PTPRB: variants seen among roughly 807,000 people sequenced by gnomAD.
PTPRB encodes the protein receptor-type tyrosine-protein phosphatase beta.
Under a neutral mutation model 238.1 loss-of-function variants are expected in PTPRB, and 97 were observed. That is an observed-to-expected ratio of 0.41 (90% CI 0.35 to 0.48). PTPRB has a LOEUF of 0.48. PTPRB is among the 20% of genes least tolerant of loss of function. PTPRB has a pLI of 0.30. For synonymous variants in PTPRB, 970 were observed against 995.4 expected (o/e 0.97, Z 0.48); for missense variants, 2,292 against 2,681.9 (o/e 0.85, Z 3.21).
In PTPRB at chr12:70,517,134, A is replaced by G. The variant is rs1229550211; in HGVS notation, c.*4355T>C. 6.6e-6 allele frequency: 1 copy of G among 152,244 alleles called. No homozygotes were observed. Among genetic ancestry groups the G allele is most frequent in the Non-Finnish European group, 1.5e-5 (1 of 68,040 alleles). The allele number at this position is 152,244 out of a possible 1,614,324, so 9.4% of individuals were successfully genotyped here. A position where few individuals can be genotyped will look rare whatever the true frequency, so the allele number is the denominator to read the frequency against. ...ATCATGCACTACAAGAATCTAAGGC[A>G]GTGTGTCTAAAATGCCAAACCCAGT... On this transcript the variant is annotated 3_prime_UTR_variant, in exon 34 of 34. Coordinates refer to ENST00000334414, the MANE Select transcript of PTPRB (RefSeq NM_001109754.4).
chr12:70,570,272 C>A (rs935314858), intron 13 of PTPRB, among the ~76,000 whole-genome samples: 1 of 152,114 alleles, frequency 6.6e-6, no homozygotes, highest in Non-Finnish European at 1.5e-5. Flanking sequence ...GTTTTAGTTT[C>A]TTCATTAGGA....
rs1200049819 is a variant in PTPRB, at chr12:70,552,857, C to G, written c.5307G>C (p.Glu1769Asp). The G allele has an allele frequency of 6.8e-6, 11 of 1,613,870 alleles. No individual in the cohort carries two copies. In the Admixed American group the frequency reaches 1.0e-4, roughly 15 times the overall value. ...SKSFNIKLGA[E>D]MESLGGKCDP... is the part of the protein sequence containing the mutation. Reference sequence around the variant, plus strand: ...CGCATTTTCCACCTAGGCTCTCCATCTCTGCTCCAAGCTTAATGTTAAAAC... The same window carrying G: ...CGCATTTTCCACCTAGGCTCTCCATGTCTGCTCCAAGCTTAATGTTAAAAC... Residue 1769 changes from glutamate to aspartate, a missense_variant, in exon 21 of 34, where the codon GAG (glutamate) becomes GAC (aspartate). Transcript: ENST00000334414.
rs777399445 is a variant in PTPRB at position 70,539,662 on chromosome 12, T to C, written c.5741A>G (p.Gln1914Arg). The change falls in exon 26 of 34, where the codon CAG becomes CGG. Residue 1914 changes from glutamine (Q) to arginine (R), a missense_variant. Around this residue, in one of 4 missense-constraint regions of PTPRB, gnomAD observed 397 missense variants for 502.0 expected, o/e 0.79. Coordinates refer to ENST00000334414, the MANE Select transcript of PTPRB (RefSeq NM_001109754.4). ...GGATAGAAGGTAGTTGGAGTCAGCC[T>C]GTAGCTTCATGAAATGCCCTTCAAA... is the stretch of plus-strand genomic sequence containing the variant. ...NQFEGHFMKL[Q>R]ADSNYLLSKE... is the part of the protein sequence containing the mutation. The C allele has an allele frequency of 6.3e-7, 1 of 1,586,328 alleles. No homozygotes were observed. Among genetic ancestry groups the C allele is most frequent in the African/African-American group, 1.3e-5 (1 of 74,632 alleles).
At chr12:70,599,885 G>A (rs1883330162) in intron 4 of PTPRB, among the ~76,000 whole-genome samples, 1 of 151,924 alleles carries the variant, frequency 6.6e-6, no homozygotes, top group South Asian at 2.1e-4. Context: ...CAGGAGGGTT[G>A]CTTGGGTCCA....
chr12:70,519,993 C>T lies in PTPRB; in HGVS notation c.*1496G>A, dbSNP rs74101660. The T allele has an allele frequency of 8.3e-3, 1,924 of 232,902 alleles. 43 individuals are homozygous for T. The highest frequency in any genetic ancestry group is 0.041 in the African/African-American group (1,770 of 43,106). 14.4% of individuals were successfully genotyped at this position (232,902 alleles called of 1,614,324 possible). The stretch of plus-strand genomic sequence containing the variant: ...CAATTACATTCGTTGTATTCACTTA[C>T]GGACTTTATGGTAGGTTACAAAAAT... On this transcript the variant is annotated 3_prime_UTR_variant, in exon 34 of 34. Coordinates refer to ENST00000334414, the MANE Select transcript of PTPRB (RefSeq NM_001109754.4).
At chr12:70,625,566 T>A (rs1885136228) in intron 2 of PTPRB, among the ~76,000 whole-genome samples, 1 of 151,498 alleles carries the variant, frequency 6.6e-6, no homozygotes, top group East Asian at 1.9e-4. Context: ...TTTTTTTTTA[T>A]CTCCTGAACT....
chr12:70,565,322 T>C (rs1184797650), intron 15 of PTPRB, among the ~76,000 whole-genome samples: 1 of 152,244 alleles, frequency 6.6e-6, no homozygotes, highest in Non-Finnish European at 1.5e-5. Context: ...AATCTGGCTT[T>C]CAGTCTCACC....
intron 21 of PTPRB, among the ~76,000 whole-genome samples, chr12:70,547,886 C>T (rs1193772313): frequency 6.6e-6 from 1 of 152,164 alleles, no homozygotes; most frequent in Non-Finnish European, 1.5e-5. Flanking sequence ...TATATTACTT[C>T]AGAGGTTTGG....
In PTPRB at chr12:70,560,749, G is replaced by A. The variant is rs749105216; in HGVS notation, c.4354C>T (p.Pro1452Ser). 5.0e-6 allele frequency: 8 copies of A among 1,613,886 alleles called. No homozygotes were observed. The highest frequency in any genetic ancestry group is 6.8e-6 in the Non-Finnish European group (8 of 1,179,872). ...LTEWRFQGLV[P>S]GRKYVLWVVT... is the part of the protein sequence containing the mutation. ...ACCCACAGCACGTACTTCCTTCCAGGAACAAGGCCTTGAAACCGCCACTCC... is the reference window on the plus strand; with the variant it reads ...ACCCACAGCACGTACTTCCTTCCAGAAACAAGGCCTTGAAACCGCCACTCC... The change falls in exon 17 of 34, where the codon CCT (proline) becomes TCT (serine). Residue 1452 changes from proline (P) to serine (S), a missense_variant. By Grantham distance (74) the Pro-to-Ser change is moderately conservative. Around this residue, in one of 4 missense-constraint regions of PTPRB, gnomAD observed 683 missense variants for 862.0 expected, o/e 0.79. Coordinates refer to ENST00000334414, the MANE Select transcript of PTPRB (RefSeq NM_001109754.4). The surrounding 1 kb of genome is among the most constrained non-coding windows in gnomAD (Gnocchi z 4.2).
chr12:70,575,651 C>A (rs1159405335), intron 11 of PTPRB, among the ~76,000 whole-genome samples: 1 of 152,198 alleles, frequency 6.6e-6, no homozygotes, highest in Non-Finnish European at 1.5e-5. Flanking sequence ...ATACAGAAAT[C>A]AACCCATAGC....
At chr12:70,564,519 A>T (rs1229606544) in intron 15 of PTPRB, among the ~76,000 whole-genome samples, 8 of 73,022 alleles carry the variant, frequency 1.1e-4, no homozygotes, top group African/African-American at 5.3e-4. Context: ...ACTCCATCTC[A>T]AAAAAAAAAA....
intron 8 of PTPRB, among the ~76,000 whole-genome samples, chr12:70,589,330 A>T (rs1882250386): frequency 6.6e-6 from 1 of 152,204 alleles, no homozygotes; most frequent in Non-Finnish European, 1.5e-5. Context: ...ATTTCACTCT[A>T]AATATGGAGT....
chr12:70,589,829 G>T, intron 8 of PTPRB, 135 bp downstream of exon 8: 1 of 814,122 alleles, frequency 1.2e-6, no homozygotes, highest in Admixed American at 2.7e-5. Flanking sequence ...CCCCATGTTA[G>T]CCTTAAAGTC....
chr12:70,535,888 CA>C (rs1200246387), intron 29 of PTPRB, 136 bp downstream of exon 29: 4 of 1,030,538 alleles, frequency 3.9e-6, no homozygotes, highest in Non-Finnish European at 5.6e-6. Context: ...GTCTTTTGAA[CA>C]GAGTGGTATA....
At chr12:70,562,049 T>A (rs1403919252) in intron 16 of PTPRB, among the ~76,000 whole-genome samples, 1 of 152,198 alleles carries the variant, frequency 6.6e-6, no homozygotes, top group Non-Finnish European at 1.5e-5. Flanking sequence ...GCAAGAGGAT[T>A]GCTTTAGCCC....
rs1472945466 is a variant in PTPRB, at chr12:70,571,821, T to C, written c.3106+3A>G. ...TGTCAGATTTTGCAATCGTTCCACTTACTTGTTCTCCCATTCCCTTGTTCA... is the reference window on the plus strand; with the variant it reads ...TGTCAGATTTTGCAATCGTTCCACTCACTTGTTCTCCCATTCCCTTGTTCA... On this transcript the variant is annotated splice_donor_region_variant and intron_variant, in intron 12 of 33. Transcript: ENST00000334414. 1 of 1,608,582 alleles carries C rather than the reference T, an allele frequency of 6.2e-7. No individual in the cohort carries two copies. Among genetic ancestry groups the C allele is most frequent in the South Asian group, 1.1e-5 (1 of 90,160 alleles).
At chr12:70,531,721 T>TAAC (rs1344947342) in intron 32 of PTPRB, among the ~76,000 whole-genome samples, 7 of 151,404 alleles carry the variant, frequency 4.6e-5, no homozygotes, top group African/African-American at 1.7e-4. Context: ...CCTTGGGGTC[T>TAAC]CCTGAAATGG....
chr12:70,559,534 T>G lies in PTPRB; in HGVS notation c.4523A>C (p.Tyr1508Ser). The change falls in exon 18 of 34, where the codon TAC (tyrosine) becomes TCC (serine). Residue 1508 changes from tyrosine (Y) to serine (S), a missense_variant. Physicochemically the swap from Tyr to Ser is moderately radical, Grantham distance 144 (BLOSUM62 -2). Transcript: ENST00000334414. ...CAACCACTGCAGCTCAAAGTCGTTG[T>G]AGTCTGTCCAGTCTGGGGGCCCTTT... ...TWKGPPDWTD[Y>S]NDFELQWLPR... is the part of the protein sequence containing the mutation. 1 of 1,614,012 alleles carries G rather than the reference T, an allele frequency of 6.2e-7. No individual in the cohort carries two copies. Among genetic ancestry groups the G allele is most frequent in the Non-Finnish European group, 8.5e-7 (1 of 1,179,878 alleles).
At position 70,539,561 on chromosome 12, in the gene PTPRB, A is replaced by T. The variant is rs1592420702; in HGVS notation, c.5778+64T>A. The T allele has an allele frequency of 8.5e-6, 11 of 1,299,970 alleles. No individual in the cohort carries two copies. The East Asian group carries it at 2.8e-4, about 33-fold the overall frequency. 80.5% of individuals were successfully genotyped at this position (1,299,970 alleles called of 1,614,324 possible). On this transcript the variant is annotated intron_variant, in intron 26 of 33. Transcript: ENST00000334414. ...CAATCAGCCTATGATGACACAGTAAACATTAGGAAGGAAATTCTGCTAAGA... is the reference window on the plus strand; with the variant it reads ...CAATCAGCCTATGATGACACAGTAATCATTAGGAAGGAAATTCTGCTAAGA...
Sources: gnomAD v4.1 joint callset for allele counts (sites outside exome capture counted in the v4.1 genomes callset) on GRCh38, gnomAD v4.1.1 for gene constraint, gnomAD v4.1.1 regional missense constraint, Gnocchi (gnomAD v3.1) non-coding constraint, MANE v1.5 for transcripts, NCBI Gene and HGNC (gene_info 2026-07-23, HGNC 2026-07-21) for gene names.